The following UBE2N variants were observed in gnomAD, a reference collection of about 807,000 sequenced individuals.
UBE2N encodes ubiquitin-conjugating enzyme E2 N.
For synonymous variants in UBE2N, 70 were observed against 69.2 expected (o/e 1.01, Z -0.06); for missense variants, 60 against 192.1 (o/e 0.31, Z 4.07).
In UBE2N at chr12:93,405,724, C is replaced by G. The variant is rs1877773330; in HGVS notation, c.*4315G>C. ...ACAGATTTTTATTATTTACACTTCT[C>G]TCAAATTATTACATTCAGCATGTTT... On this transcript the variant is annotated 3_prime_UTR_variant, in exon 4 of 4. Coordinates refer to ENST00000318066, the MANE Select transcript of UBE2N (RefSeq NM_003348.4). The G allele has an allele frequency of 6.6e-6, 1 of 152,170 alleles. No individual in the cohort carries two copies. Among genetic ancestry groups the G allele is most frequent in the Non-Finnish European group, 1.5e-5 (1 of 68,044 alleles). 9.4% of individuals were successfully genotyped at this position (152,170 alleles called of 1,614,324 possible). A position where few individuals can be genotyped will look rare whatever the true frequency, so the allele number is the denominator to read the frequency against.
chr12:93,410,257 C>T, intron 3 of UBE2N, 178 bp from the exon 4 acceptor site: 3 of 569,816 alleles, frequency 5.3e-6, no homozygotes, highest in South Asian at 2.3e-5. Flanking sequence ...TGTCCAATTA[C>T]CAAAACACTA....
rs1235936551 is a variant in UBE2N at position 93,405,734 on chromosome 12, TAC to T, written c.*4303_*4304del. On this transcript the variant is annotated 3_prime_UTR_variant, in exon 4 of 4. Transcript: ENST00000318066. ...ATTATTTACACTTCTCTCAAATTAT[TAC>T]ATTCAGCATGTTTTGCTTTTTATGT... The T allele has an allele frequency of 6.6e-6, 1 of 152,230 alleles. No individual in the cohort carries two copies. Among genetic ancestry groups the T allele is most frequent in the East Asian group, 1.9e-4 (1 of 5,202 alleles). The allele number at this position is 152,230 out of a possible 1,614,324, so 9.4% of individuals were successfully genotyped here.
chr12:93,422,129 C>T (rs1878432727), intron 1 of UBE2N, among the ~76,000 whole-genome samples: 1 of 152,090 alleles, frequency 6.6e-6, no homozygotes, highest in African/African-American at 2.4e-5. Flanking sequence ...CAAATATTGG[C>T]ATCACAGCTA....
chr12:93,426,757 T>C (rs751559382), intron 1 of UBE2N, among the ~76,000 whole-genome samples: 22 of 152,220 alleles, frequency 1.4e-4, no homozygotes, highest in Non-Finnish European at 2.9e-4. Context: ...TTTGTGATTC[T>C]GGAGGTAGGA....
In UBE2N at chr12:93,438,131, T is replaced by C. The variant is rs554085541; in HGVS notation, c.30+3724A>G. ...CATCTATTCAGTTAGTCTATTAATA[T>C]TTCAGTATCTACTATGTGCCAAGGA... On this transcript the variant is annotated intron_variant, in intron 1 of 3. Coordinates refer to ENST00000318066, the MANE Select transcript of UBE2N (RefSeq NM_003348.4). Among the ~76,000 whole-genome samples, 309 of 152,338 alleles carry C rather than the reference T, an allele frequency of 2.0e-3. 5 individuals are homozygous for C. Among genetic ancestry groups the C allele is most frequent in the Admixed American group, 4.3e-3 (66 of 15,296 alleles).
intron 1 of UBE2N, chr12:93,429,454 A>G (rs1339874900): frequency 7.1e-6 from 2 of 280,248 alleles, no homozygotes; most frequent in African/African-American, 4.6e-5. Context: ...CAACTGCACA[A>G]AAGACAGTGG....
chr12:93,435,092 C>A (rs1335618366), intron 1 of UBE2N, among the ~76,000 whole-genome samples: 1 of 152,068 alleles, frequency 6.6e-6, no homozygotes, highest in Non-Finnish European at 1.5e-5. Context: ...CCTGGAGGTA[C>A]ATATATTTCT....
intron 1 of UBE2N, among the ~76,000 whole-genome samples, chr12:93,437,985 T>C (rs1215601874): frequency 6.6e-6 from 1 of 152,254 alleles, no homozygotes; most frequent in Non-Finnish European, 1.5e-5. Flanking sequence ...ATTGATGTCC[T>C]TTTTAAGTGA....
intron 1 of UBE2N, among the ~76,000 whole-genome samples, chr12:93,436,193 C>G (rs1455481736): frequency 3.9e-5 from 6 of 152,156 alleles, no homozygotes; most frequent in Non-Finnish European, 8.8e-5. Context: ...CCTCAACTTC[C>G]TGGGCCAAAC....
chr12:93,408,012 C>T lies in UBE2N; in HGVS notation c.*2027G>A, dbSNP rs1253361532. On this transcript the variant is annotated 3_prime_UTR_variant, in exon 4 of 4. Coordinates refer to ENST00000318066, the MANE Select transcript of UBE2N (RefSeq NM_003348.4). ...TTCTATAACTCACAAATTTAGCAGA[C>T]ATCATTTAGACATTTTTGTAGTGCA... 6.6e-6 allele frequency: 1 copy of T among 152,184 alleles called. No individual in the cohort carries two copies. The highest frequency in any genetic ancestry group is 1.5e-5 in the Non-Finnish European group (1 of 68,026). The allele number at this position is 152,184 out of a possible 1,614,324, so 9.4% of individuals were successfully genotyped here. A position where few individuals can be genotyped will look rare whatever the true frequency, so the allele number is the denominator to read the frequency against.
intron 1 of UBE2N, among the ~76,000 whole-genome samples, chr12:93,428,835 G>A (rs1426524172): frequency 6.6e-6 from 1 of 152,160 alleles, no homozygotes; most frequent in Non-Finnish European, 1.5e-5. Context: ...AATTAAACTA[G>A]GAGAAGAAAT....
chr12:93,432,567 AT>A (rs1160980185), intron 1 of UBE2N, among the ~76,000 whole-genome samples: 1 of 152,148 alleles, frequency 6.6e-6, no homozygotes, highest in Non-Finnish European at 1.5e-5. Context: ...CAATAAAAAA[AT>A]CACCAATGGT....
chr12:93,409,214 C>G lies in UBE2N; in HGVS notation c.*825G>C, dbSNP rs1332488009. ...ACAAATCTGCATCAGTGAAAAGAAA[C>G]TGGCAAAATCCACCTCTTGCCATTC... On this transcript the variant is annotated 3_prime_UTR_variant, in exon 4 of 4. Transcript: ENST00000318066. The G allele has an allele frequency of 3.3e-5, 5 of 152,620 alleles. No homozygotes were observed. The highest frequency in any genetic ancestry group is 7.4e-5 in the Non-Finnish European group (5 of 68,020). 9.5% of individuals were successfully genotyped at this position (152,620 alleles called of 1,614,324 possible).
intron 1 of UBE2N, among the ~76,000 whole-genome samples, chr12:93,416,395 G>A (rs897932683): frequency 2.0e-5 from 3 of 151,396 alleles, no homozygotes; most frequent in African/African-American, 7.3e-5. Flanking sequence ...AGTACAGTAT[G>A]ATTTCTTTAA....
chr12:93,430,926 C>A, intron 1 of UBE2N, among the ~76,000 whole-genome samples: 1 of 148,978 alleles, frequency 6.7e-6, no homozygotes. Flanking sequence ...CAGTGAGACC[C>A]TATCTTAAAA....
chr12:93,411,560 T>C (rs142806167), intron 1 of UBE2N, among the ~76,000 whole-genome samples: 1 of 152,356 alleles, frequency 6.6e-6, no homozygotes, highest in East Asian at 1.9e-4. Context: ...TAAAATTAGC[T>C]TAATAAAACT....
At position 93,411,125 on chromosome 12, in the gene UBE2N, C is replaced by T; in HGVS notation, c.205G>A (p.Val69Ile). 6.2e-7 allele frequency: 1 copy of T among 1,614,180 alleles called. No homozygotes were observed. Among genetic ancestry groups the T allele is most frequent in the South Asian group, 1.1e-5 (1 of 91,086 alleles). ...TGATAAATTTTGGTCATGAAACGTA[C>T]TTTAGGGGCTGCCATTGGGTATTCT... ...PEEYPMAAPK[V>I]RFMTKIYHPN... Residue 69 changes from valine to isoleucine, a missense_variant, in exon 2 of 4, where the codon GTA (valine) becomes ATA (isoleucine). Val to Ile is a conservative substitution (Grantham distance 29, BLOSUM62 3). Transcript: ENST00000318066.
intron 1 of UBE2N, among the ~76,000 whole-genome samples, chr12:93,435,987 G>A (rs1018856677): frequency 6.6e-6 from 1 of 152,182 alleles, no homozygotes; most frequent in African/African-American, 2.4e-5. Flanking sequence ...TTCTGCGAAA[G>A]ACTGGTAAAA....
In UBE2N at chr12:93,408,866, T is replaced by A. The variant is rs896552636; in HGVS notation, c.*1173A>T. ...AAATGCCTCAGCAAATCCCAAATGA[T>A]CAGATCAGTGTTTCTTAACACACAT... On this transcript the variant is annotated 3_prime_UTR_variant, in exon 4 of 4. Coordinates refer to ENST00000318066, the MANE Select transcript of UBE2N (RefSeq NM_003348.4). 5 of 152,582 alleles carry A rather than the reference T, an allele frequency of 3.3e-5. No homozygotes were observed. Among genetic ancestry groups the A allele is most frequent in the African/African-American group, 1.2e-4 (5 of 41,426 alleles). 9.5% of individuals were successfully genotyped at this position (152,582 alleles called of 1,614,324 possible).
Sources: gnomAD v4.1 joint callset for allele counts (sites outside exome capture counted in the v4.1 genomes callset) on GRCh38, gnomAD v4.1.1 for gene constraint, MANE v1.5 for transcripts, NCBI Gene and HGNC (gene_info 2026-07-23, HGNC 2026-07-21) for gene names.